ZNF726: variants seen among roughly 807,000 people sequenced by gnomAD.
ZNF726 encodes zinc finger protein 92 pseudogene 3.
ZNF726 carries 15 observed loss-of-function variants against 11.6 expected under a neutral mutation model. That is an observed-to-expected ratio of 1.29 (90% CI 0.86 to 1.99). The LOEUF (loss-of-function observed/expected upper bound fraction) is 1.99, where lower values mean the gene tolerates loss of function less well. Ranked by LOEUF, ZNF726 falls within the 30% of genes most tolerant of loss-of-function variation. ZNF726 has a pLI of 0.00. For synonymous variants in ZNF726, 295 were observed against 243.6 expected, an observed-to-expected ratio of 1.21 and a Z score of -1.96; for missense variants, 890 against 725.6, an observed-to-expected ratio of 1.23 and a Z score of -2.60.
downstream of ZNF726, among the ~76,000 whole-genome samples, chr19:23,938,658 A>G (rs1599475488): frequency 1.5e-5 from 2 of 130,504 alleles, no homozygotes; most frequent in Admixed American, 9.2e-5. Context: ...CCCAGACTGG[A>G]GTGCAATGGT....
intron 3 of ZNF726, 109 bp from the exon 4 acceptor site, chr19:23,932,234 T>A: frequency 2.3e-6 from 2 of 853,628 alleles, no homozygotes; most frequent in Non-Finnish European, 3.2e-6. Flanking sequence ...CTGTGGTATT[T>A]TGCAAAACCA....
chr19:23,930,263 CT>C (rs1223947276), intron 3 of ZNF726, among the ~76,000 whole-genome samples: 1 of 151,962 alleles, frequency 6.6e-6, no homozygotes, highest in African/African-American at 2.4e-5. Context: ...GAATTTTTAT[CT>C]TCAAGTAATC....
chr19:23,915,834 G>T (rs1967685388), intron 1 of ZNF726, among the ~76,000 whole-genome samples: 1 of 152,008 alleles, frequency 6.6e-6, no homozygotes, highest in Non-Finnish European at 1.5e-5. Flanking sequence ...CACCCACCTC[G>T]GCCTTCCAAA....
intron 3 of ZNF726, among the ~76,000 whole-genome samples, chr19:23,931,738 T>A (rs1479296949): frequency 1.3e-5 from 2 of 152,204 alleles, no homozygotes; most frequent in African/African-American, 4.8e-5. Flanking sequence ...AGTTTTTAGT[T>A]AAGAGAGTTT....
rs1158015024 is a variant in ZNF726, at chr19:23,932,817, A to G, written c.701A>G (p.Tyr234Cys). 8 of 1,608,922 alleles carry G rather than the reference A, an allele frequency of 5.0e-6. No homozygotes were observed. Among genetic ancestry groups the G allele is most frequent in the Admixed American group, 1.7e-5 (1 of 59,128 alleles). The change falls in exon 4 of 4, where the codon TAT becomes TGT. Residue 234 changes from tyrosine (Y) to cysteine (C), a missense_variant. Transcript: ENST00000594466. Reference protein sequence around the residue: ...TEEKPYKCEEYGKAFNQSSNY... With the variant: ...TEEKPYKCEECGKAFNQSSNY... ...GAAAAGCCCTACAAATGTGAAGAAT[A>G]TGGCAAAGCTTTTAATCAATCCTCA...
At chr19:23,940,657 T>A (rs192952481) in intron 3 of ZNF726, among the ~76,000 whole-genome samples, 80 of 152,310 alleles carry the variant, frequency 5.3e-4, no homozygotes, top group Non-Finnish European at 9.1e-4. Context: ...GTGTCATCTA[T>A]GATATCTTTC....
At chr19:23,937,157 C>T (rs1214852258), downstream of ZNF726, among the ~76,000 whole-genome samples, 1 of 148,678 alleles carries the variant, frequency 6.7e-6, no homozygotes, top group African/African-American at 2.5e-5. Context: ...CCACCTCCCT[C>T]CCAGACAGGG....
At chr19:23,929,663 A>C (rs1184658933) in intron 3 of ZNF726, among the ~76,000 whole-genome samples, 2 of 152,244 alleles carry the variant, frequency 1.3e-5, no homozygotes, top group African/African-American at 4.8e-5. Flanking sequence ...TACATGAAAC[A>C]TCTTAAAATT....
chr19:23,931,914 C>G (rs1402167261), intron 3 of ZNF726, among the ~76,000 whole-genome samples: 1 of 152,016 alleles, frequency 6.6e-6, no homozygotes, highest in Non-Finnish European at 1.5e-5. Flanking sequence ...TCATGAGAGA[C>G]AGAAAACAGT....
rs758162122 is a variant in ZNF726 at position 23,932,744 on chromosome 19, TTTAA to T, written c.631_634del (p.Asn211GlyfsTer38). On this transcript the variant is annotated frameshift_variant, in exon 4 of 4. Coordinates refer to ENST00000594466, the MANE Select transcript of ZNF726 (RefSeq NM_001244038.2). LOFTEE classifies it low-confidence loss of function (END_TRUNC). ...CAAATGTAAAGAATGTGGAAAAACC[TTTAA>T]TTGGTCCTCAACCCTTACTAATCAT... 1.4e-5 allele frequency: 23 copies of T among 1,612,156 alleles called. 1 individual carries two copies. The South Asian group carries it at 2.0e-4, about 14-fold the overall frequency.
intron 3 of ZNF726, 22 bp from the exon 4 acceptor site, chr19:23,932,321 A>G: frequency 7.6e-7 from 1 of 1,313,082 alleles, no homozygotes. Context: ...AAGTGGAGTA[A>G]ATTATTTTAA....
rs532141597 is a variant in ZNF726, at chr19:23,927,065, C to T, written c.227-5278C>T. On this transcript the variant is annotated intron_variant, in intron 3 of 3. Transcript: ENST00000594466. ...CTATCTCGGCTCACTGCAACCTCTGCCTCCCAGGTTCAAGCAATTCTCCTG... is the reference window on the plus strand; with the variant it reads ...CTATCTCGGCTCACTGCAACCTCTGTCTCCCAGGTTCAAGCAATTCTCCTG... 1.6e-4 allele frequency among the ~76,000 whole-genome samples: 25 copies of T among 152,234 alleles called. No homozygotes were observed. The South Asian group carries it at 5.2e-3, about 32-fold the overall frequency.
chr19:23,920,034 A>T lies in ZNF726; in HGVS notation c.178A>T (p.Lys60Ter). The change falls in exon 3 of 4, where the codon AAA (lysine) becomes TAA (stop). Residue 60 changes from lysine (K) to a stop codon, truncating the protein, a stop_gained. Transcript: ENST00000594466. LOFTEE classifies it low-confidence loss of function (END_TRUNC). Reference sequence around the variant, plus strand: ...CCTCATCATCTGTCTGGAGAAAGAAAAAGAGCCCTGGAATATGAAGCGAGA... The same window carrying T: ...CCTCATCATCTGTCTGGAGAAAGAATAAGAGCCCTGGAATATGAAGCGAGA... ...PDLIICLEKE[K>*]EPWNMKRDEM... The T allele has an allele frequency of 1.3e-6, 2 of 1,591,136 alleles. No individual in the cohort carries two copies. Among genetic ancestry groups the T allele is most frequent in the Non-Finnish European group, 1.7e-6 (2 of 1,166,722 alleles).
At chr19:23,937,326 G>C (rs983051776), downstream of ZNF726, among the ~76,000 whole-genome samples, 9 of 151,966 alleles carry the variant, frequency 5.9e-5, no homozygotes, top group South Asian at 8.3e-4. Flanking sequence ...CTAGCGGGCG[G>C]AGACCCTCCT....
In ZNF726 at chr19:23,933,186, C is replaced by A. The variant is rs933586406; in HGVS notation, c.1070C>A (p.Thr357Asn). ...AKAFSQFGHL[T>N]THRIIHTGEK... is the part of the protein sequence containing the mutation. ...GCTTTTAGCCAATTCGGACACCTTA[C>A]TACACATAGGATAATTCATACTGGA... The change falls in exon 4 of 4, where the codon ACT becomes AAT. Residue 357 changes from threonine to asparagine, a missense_variant. Coordinates refer to ENST00000594466, the MANE Select transcript of ZNF726 (RefSeq NM_001244038.2). 15 of 1,601,770 alleles carry A rather than the reference C, an allele frequency of 9.4e-6. No homozygotes were observed. The highest frequency in any genetic ancestry group is 1.2e-5 in the Non-Finnish European group (14 of 1,173,474).
At chr19:23,927,915 T>A (rs538397275) in intron 3 of ZNF726, 1 of 152,336 alleles carries the variant, frequency 6.6e-6, no homozygotes, top group African/African-American at 2.4e-5. Context: ...TGGTCTATAA[T>A]ATGGTTTTGA....
chr19:23,914,907 T>C lies in ZNF726; in HGVS notation c.-88T>C. The C allele has an allele frequency of 6.3e-7, 1 of 1,587,306 alleles. No individual in the cohort carries two copies. The highest frequency in any genetic ancestry group is 8.6e-7 in the Non-Finnish European group (1 of 1,164,106). On this transcript the variant is annotated 5_prime_UTR_variant, in exon 1 of 4. Transcript: ENST00000594466. ...CTTTGTCTCTATCTGCGGCCGGAGC[T>C]CCAGGTCTCGTCCTCACTACTCTGT... is the stretch of plus-strand genomic sequence containing the variant.
intron 3 of ZNF726, chr19:23,923,409 ATTTTTT>A: frequency 4.2e-5 from 14 of 334,248 alleles, no homozygotes; most frequent in East Asian, 1.1e-4. Flanking sequence ...GATGCCAGTA[ATTTTTT>A]TTTTTTTTTT....
chr19:23,930,092 C>A (rs62114222), intron 3 of ZNF726, among the ~76,000 whole-genome samples: 1,853 of 152,280 alleles, frequency 0.012, 16 homozygotes, highest in Non-Finnish European at 0.019. Context: ...CGGTGCCTGG[C>A]CACCATGTAC....
Sources: gnomAD v4.1 joint callset for allele counts (sites outside exome capture counted in the v4.1 genomes callset) on GRCh38, gnomAD v4.1.1 for gene constraint, MANE v1.5 for transcripts, NCBI Gene and HGNC (gene_info 2026-07-23, HGNC 2026-07-21) for gene names.